The following DEPDC5 variants were observed in gnomAD, a reference collection of about 807,000 sequenced individuals.
DEPDC5 encodes GATOR1 complex protein DEPDC5.
DEPDC5 carries 73 observed loss-of-function variants against 217.3 expected under a neutral mutation model. That is an observed-to-expected ratio of 0.34 (90% CI 0.28 to 0.41). The LOEUF (loss-of-function observed/expected upper bound fraction) is 0.41, where lower values mean the gene tolerates loss of function less well. Ranked by LOEUF, DEPDC5 falls within the 10% of genes least tolerant of loss-of-function variation. The probability of loss-of-function intolerance (pLI) is 1.00; values close to 1 mark genes in which losing one functional copy is unlikely to be tolerated. For missense variants in DEPDC5, 1,675 were observed against 2,070.1 expected (o/e 0.81, Z 3.70); for synonymous variants, 733 against 756.7 (o/e 0.97, Z 0.51).
chr22:31,770,082 A>C (rs1277244707), intron 7 of DEPDC5, among the ~76,000 whole-genome samples: 5 of 151,264 alleles, frequency 3.3e-5, no homozygotes, highest in South Asian at 4.2e-4. Flanking sequence ...AAAAAAAAAA[A>C]AAACAGCCAG....
At chr22:31,856,421 T>A (rs1446433941) in intron 31 of DEPDC5, among the ~76,000 whole-genome samples, 1 of 152,102 alleles carries the variant, frequency 6.6e-6, no homozygotes, top group Admixed American at 6.6e-5. Context: ...ATATATATTA[T>A]AGTAATAATG....
Position 31,845,200 on chromosome 22 carries a change from G to T in DEPDC5, c.2984G>T (p.Arg995Leu), listed in dbSNP as rs527479125. ...GTCCGCTTTGTGGAGGGCTTGAATC[G>T]CATTCGCAGGCGGCATCGCTCGGAT... The part of the protein sequence containing the change: ...GFVRFVEGLN[R>L]IRRRHRSDRM... The change falls in exon 30 of 43, where the codon CGC becomes CTC. Residue 995 changes from arginine (R) to leucine (L), a missense_variant. Coordinates refer to ENST00000651528, the MANE Select transcript of DEPDC5 (RefSeq NM_001242896.3). 1 of 1,614,178 alleles carries T rather than the reference G, an allele frequency of 6.2e-7. No homozygotes were observed. The highest frequency in any genetic ancestry group is 8.5e-7 in the Non-Finnish European group (1 of 1,180,026).
rs370940232 is a variant in DEPDC5, at chr22:31,822,752, A to C, written c.2066A>C (p.Glu689Ala). The C allele has an allele frequency of 1.3e-4, 204 of 1,614,016 alleles. No individual in the cohort carries two copies. The highest frequency in any genetic ancestry group is 1.7e-4 in the Non-Finnish European group (198 of 1,180,008). The change falls in exon 24 of 43, where the codon GAG becomes GCG. Residue 689 changes from glutamate (E) to alanine (A), a missense_variant. Transcript: ENST00000651528. The stretch of plus-strand genomic sequence containing the variant: ...TCCTTCTTGAACTTCAGTGGAACAG[A>C]GGAGCTTTCTGTCGGCCTGCTTAGC... The part of the protein sequence containing the change: ...GMSFLNFSGT[E>A]ELSVGLLSNS...
chr22:31,810,423 T>C (rs1384105526), intron 19 of DEPDC5, 98 bp from the exon 20 acceptor site: 10 of 1,556,380 alleles, frequency 6.4e-6, no homozygotes, highest in African/African-American at 1.4e-5. Flanking sequence ...CTGTTTGAAA[T>C]GTATTTGGAT....
At chr22:31,881,317 A>C (rs948684839) in intron 38 of DEPDC5, among the ~76,000 whole-genome samples, 2 of 151,142 alleles carry the variant, frequency 1.3e-5, no homozygotes, top group East Asian at 3.9e-4. Flanking sequence ...AAGTTTTCAG[A>C]TCCTCAGATT....
At chr22:31,810,862 A>T (rs920218612) in intron 20 of DEPDC5, among the ~76,000 whole-genome samples, 4 of 149,296 alleles carry the variant, frequency 2.7e-5, no homozygotes, top group Non-Finnish European at 6.0e-5. Flanking sequence ...TGCAACCTTG[A>T]CCTCCTGGGT....
At chr22:31,898,487 G>A (rs2093592471) in intron 40 of DEPDC5, among the ~76,000 whole-genome samples, 1 of 152,196 alleles carries the variant, frequency 6.6e-6, no homozygotes, top group Non-Finnish European at 1.5e-5. Context: ...TACGTCAGGA[G>A]CCCTGAGGTT....
chr22:31,792,161 C>T lies in DEPDC5; in HGVS notation c.694+59C>T, dbSNP rs2085739210. ...TTGTTAAGCTTCCCCCAACCCCACCCCAGCCATTTCCTTTCATTTTTTTCC... is the reference window on the plus strand; with the variant it reads ...TTGTTAAGCTTCCCCCAACCCCACCTCAGCCATTTCCTTTCATTTTTTTCC... On this transcript the variant is annotated intron_variant, in intron 11 of 42. Coordinates refer to ENST00000651528, the MANE Select transcript of DEPDC5 (RefSeq NM_001242896.3). The T allele has an allele frequency of 7.3e-6, 9 of 1,231,448 alleles. No homozygotes were observed. In the South Asian group the frequency reaches 9.7e-5, roughly 13 times the overall value. 76.3% of individuals were successfully genotyped at this position (1,231,448 alleles called of 1,614,324 possible).
At chr22:31,810,682 T>C in intron 20 of DEPDC5, 41 bp downstream of exon 20, 1 of 1,610,994 alleles carries the variant, frequency 6.2e-7, no homozygotes, top group Non-Finnish European at 8.5e-7. Context: ...ATAAAAATTG[T>C]GTAGGAAAAC....
At chr22:31,827,400 T>C (rs748894637) in intron 24 of DEPDC5, among the ~76,000 whole-genome samples, 53 of 152,338 alleles carry the variant, frequency 3.5e-4, no homozygotes, top group South Asian at 1.0e-3. Context: ...TGTCAGATCT[T>C]CAGGATATAT....
chr22:31,775,282 C>T (rs769066550), intron 7 of DEPDC5, among the ~76,000 whole-genome samples: 2 of 151,924 alleles, frequency 1.3e-5, no homozygotes, highest in African/African-American at 4.8e-5. Context: ...CAGGTTCAAG[C>T]AATTCTCCTG....
intron 18 of DEPDC5, among the ~76,000 whole-genome samples, chr22:31,807,735 A>G (rs1261886201): frequency 2.6e-5 from 4 of 152,058 alleles, no homozygotes; most frequent in Non-Finnish European, 5.9e-5. Context: ...CCCGGCCAGA[A>G]CTCGAAAAAG....
intron 6 of DEPDC5, 64 bp from the exon 7 acceptor site, chr22:31,768,746 ATCTC>A (rs1030463430): frequency 2.3e-5 from 30 of 1,325,460 alleles, no homozygotes; most frequent in Middle Eastern, 2.0e-4. Context: ...ATGTTAATCA[ATCTC>A]TCTCTCTTTC....
chr22:31,801,714 C>G (rs950678129), intron 14 of DEPDC5, among the ~76,000 whole-genome samples: 1 of 152,128 alleles, frequency 6.6e-6, no homozygotes, highest in Non-Finnish European at 1.5e-5. Flanking sequence ...TAGAGAGGGT[C>G]TGATCTGTTC....
intron 31 of DEPDC5, among the ~76,000 whole-genome samples, chr22:31,853,585 G>A (rs1018724384): frequency 1.3e-5 from 2 of 152,168 alleles, no homozygotes; most frequent in African/African-American, 2.4e-5. Context: ...GCATGAAAGC[G>A]CTTACAGAAT....
At chr22:31,861,837 G>A (rs2092525965) in intron 33 of DEPDC5, among the ~76,000 whole-genome samples, 1 of 152,208 alleles carries the variant, frequency 6.6e-6, no homozygotes, top group African/African-American at 2.4e-5. Context: ...GTGGCAGGAA[G>A]TGGTGAAAAA....
At chr22:31,788,085 AAAAATAATT>A (rs895544331) in intron 10 of DEPDC5, among the ~76,000 whole-genome samples, 2 of 151,598 alleles carry the variant, frequency 1.3e-5, no homozygotes, top group African/African-American at 4.8e-5. Flanking sequence ...ATAAAAATTA[AAAAATAATT>A]AAAATAATTA....
intron 22 of DEPDC5, 46 bp downstream of exon 22, chr22:31,819,271 C>T (rs1365121527): frequency 1.3e-6 from 2 of 1,585,966 alleles, no homozygotes; most frequent in Non-Finnish European, 1.7e-6. Flanking sequence ...GAGCTCCTAG[C>T]CCTGGTCCTC....
intron 8 of DEPDC5, among the ~76,000 whole-genome samples, chr22:31,782,174 GT>G (rs1026069947): frequency 3.4e-4 from 48 of 142,586 alleles, no homozygotes; most frequent in African/African-American, 1.2e-3. Context: ...GTCTCACTCT[GT>G]TGCCCAGGCT....
Sources: gnomAD v4.1 joint callset for allele counts (sites outside exome capture counted in the v4.1 genomes callset) on GRCh38, gnomAD v4.1.1 for gene constraint, MANE v1.5 for transcripts, NCBI Gene and HGNC (gene_info 2026-07-23, HGNC 2026-07-21) for gene names.